ZBBX: variants seen among roughly 807,000 people sequenced by gnomAD.
ZBBX encodes zinc finger B-box domain-containing protein 1.
ZBBX carries 101 observed loss-of-function variants against 108.5 expected under a neutral mutation model. The ratio of observed to expected loss-of-function variants is 0.93; its 90% confidence interval spans 0.79 to 1.10. ZBBX has a LOEUF of 1.10. Among genes scored for constraint, ZBBX ranks in the 50% least tolerant of loss-of-function variants. ZBBX has a pLI of 0.00. For missense variants in ZBBX, 1,009 were observed against 941.4 expected (o/e 1.07, Z -0.94); for synonymous variants, 356 against 323.4 (o/e 1.10, Z -1.08).
intron 16 of ZBBX, among the ~76,000 whole-genome samples, chr3:167,306,948 A>T (rs989707376): frequency 1.8e-4 from 27 of 152,294 alleles, no homozygotes; most frequent in African/African-American, 5.8e-4. Context: ...TGCTTGTTGC[A>T]ATCAAATGTT....
chr3:167,394,567 T>C (rs1489419483), intron 1 of ZBBX, among the ~76,000 whole-genome samples: 1 of 151,802 alleles, frequency 6.6e-6, no homozygotes, highest in African/African-American at 2.4e-5. Flanking sequence ...TTTTTTTTTC[T>C]GCCATTGGGA....
At chr3:167,209,674 A>T in the ZBBX span, among the ~76,000 whole-genome samples, 19 of 152,348 alleles carry the variant, frequency 1.2e-4, no homozygotes, top group African/African-American at 4.3e-4. Context: ...ATGTCCAGAC[A>T]CTGACGAACA....
At chr3:167,191,912 T>G in the ZBBX span, among the ~76,000 whole-genome samples, 41 of 122,392 alleles carry the variant, frequency 3.3e-4, 3 homozygotes, top group African/African-American at 1.2e-3. Flanking sequence ...TATATATATA[T>G]ATATATATAT....
intron 17 of ZBBX, among the ~76,000 whole-genome samples, chr3:167,299,407 C>T (rs1732237120): frequency 6.6e-6 from 1 of 152,044 alleles, no homozygotes. Flanking sequence ...CCTGGCCCTC[C>T]CAGACACCAA....
At chr3:167,258,737 A>AT (rs922107963) in intron 20 of ZBBX, among the ~76,000 whole-genome samples, 17 of 152,220 alleles carry the variant, frequency 1.1e-4, no homozygotes, top group African/African-American at 4.1e-4. Flanking sequence ...TGATCAGGTG[A>AT]TTTTTGTTTT....
chr3:167,222,568 TATAATTATATTGTTTGTAAC>T, the ZBBX span, among the ~76,000 whole-genome samples: 1 of 151,972 alleles, frequency 6.6e-6, no homozygotes, highest in Non-Finnish European at 1.5e-5. Flanking sequence ...ACTAAAGGCA[TATAATTATATTGTTTGTAAC>T]ACCGAGGAAG....
chr3:167,356,440 T>C (rs1459169913), intron 8 of ZBBX, among the ~76,000 whole-genome samples: 1 of 152,050 alleles, frequency 6.6e-6, no homozygotes, highest in Non-Finnish European at 1.5e-5. Flanking sequence ...AACCTAACAA[T>C]ATAGATTTAA....
chr3:167,265,670 TC>T (rs1453419426), intron 20 of ZBBX, among the ~76,000 whole-genome samples: 1 of 152,180 alleles, frequency 6.6e-6, no homozygotes, highest in Non-Finnish European at 1.5e-5. Context: ...CAAATTGTAG[TC>T]CTTGTGTCCT....
the ZBBX span, among the ~76,000 whole-genome samples, chr3:167,188,387 G>A: frequency 6.6e-5 from 10 of 152,104 alleles, no homozygotes; most frequent in Non-Finnish European, 1.2e-4. Context: ...GTAAAACGAT[G>A]TGAAAATTCT....
intron 18 of ZBBX, among the ~76,000 whole-genome samples, chr3:167,295,435 CAAG>C (rs1427248308): frequency 6.6e-6 from 1 of 151,626 alleles, no homozygotes; most frequent in Non-Finnish European, 1.5e-5. Context: ...CAAACTATCA[CAAG>C]AACAGAAAAC....
chr3:167,288,700 T>C (rs1730145016), intron 19 of ZBBX, among the ~76,000 whole-genome samples, 167 bp downstream of exon 19: 1 of 152,228 alleles, frequency 6.6e-6, no homozygotes, highest in Non-Finnish European at 1.5e-5. Flanking sequence ...CTTGTTTTTA[T>C]GCTTTGGTTT....
At chr3:167,235,584 G>A (rs1720203139), downstream of ZBBX, among the ~76,000 whole-genome samples, 1 of 151,146 alleles carries the variant, frequency 6.6e-6, no homozygotes, top group Non-Finnish European at 1.5e-5. Context: ...ATTCCTTCTG[G>A]CAGAAGAGCA....
In ZBBX at chr3:167,242,633, T is replaced by G; in HGVS notation, c.2265A>C (p.Glu755Asp). The G allele has an allele frequency of 6.2e-7, 1 of 1,610,264 alleles. No individual in the cohort carries two copies. The highest frequency in any genetic ancestry group is 8.5e-7 in the Non-Finnish European group (1 of 1,178,806). ...QVLRSLADTSEKLYSLTSEEF... is the reference protein window; with the variant it reads ...QVLRSLADTSDKLYSLTSEEF... ...CTTCTGAGGTTAAGCTGTAAAGCTT[T>G]TCTGAAGTATCTGAAATATTTTATT... Residue 755 changes from glutamate (E) to aspartate (D), a missense_variant, in exon 21 of 22, where the codon GAA becomes GAC. Physicochemically the swap from Glu to Asp is conservative, Grantham distance 45. Coordinates refer to ENST00000675490, the MANE Select transcript of ZBBX (RefSeq NM_001199201.2).
At chr3:167,192,254 G>C in the ZBBX span, among the ~76,000 whole-genome samples, 1 of 151,932 alleles carries the variant, frequency 6.6e-6, no homozygotes, top group East Asian at 1.9e-4. Context: ...TTTTCACATT[G>C]TTATTTACTT....
At chr3:167,252,314 G>A (rs1722758612) in intron 20 of ZBBX, 1 of 669,700 alleles carries the variant, frequency 1.5e-6, no homozygotes, top group Admixed American at 2.7e-5. Context: ...CCAGTGGTGT[G>A]GAGGTGTATG....
At chr3:167,214,008 C>T in the ZBBX span, among the ~76,000 whole-genome samples, 2,010 of 152,196 alleles carry the variant, frequency 0.013, 53 homozygotes, top group African/African-American at 0.046. Flanking sequence ...TACCAGAAGA[C>T]CTGTTTCCAC....
the ZBBX span, among the ~76,000 whole-genome samples, chr3:167,205,072 T>C: frequency 6.6e-4 from 100 of 152,242 alleles, no homozygotes; most frequent in Non-Finnish European, 1.1e-3. Context: ...CAACATGAGA[T>C]AACCCAGGTA....
At chr3:167,209,832 G>GT in the ZBBX span, among the ~76,000 whole-genome samples, 1 of 152,190 alleles carries the variant, frequency 6.6e-6, no homozygotes, top group East Asian at 1.9e-4. Flanking sequence ...GCTCACACCT[G>GT]TAATCCCAGC....
At chr3:167,322,313 A>T (rs1009213266) in intron 11 of ZBBX, 76 bp from the exon 12 acceptor site, 9 of 1,249,510 alleles carry the variant, frequency 7.2e-6, no homozygotes, top group Non-Finnish European at 9.4e-6. Flanking sequence ...TAAGATGTAG[A>T]ACTCATCATT....
Sources: allele counts gnomAD v4.1 joint callset (sites outside exome capture counted in the v4.1 genomes callset), GRCh38; gene constraint gnomAD v4.1.1; transcripts MANE v1.5; gene names NCBI Gene and HGNC (gene_info 2026-07-23, HGNC 2026-07-21).